PCDHGB1: variants seen among roughly 807,000 people sequenced by gnomAD.
PCDHGB1 encodes protocadherin gamma subfamily B, 1.
In PCDHGB1, 34 loss-of-function variants were observed where a neutral mutation model predicts 56.6. The ratio of observed to expected loss-of-function variants is 0.60; its 90% CI spans 0.46 to 0.80. PCDHGB1 has a LOEUF of 0.80. Among genes scored for constraint, PCDHGB1 ranks in the 30% least tolerant of loss-of-function variants. PCDHGB1 has a pLI of 0.00. For missense variants in PCDHGB1, 1,278 were observed against 1,204.6 expected, an observed-to-expected ratio of 1.06 and a Z score of -0.90; for synonymous variants, 561 against 505.9, an observed-to-expected ratio of 1.11 and a Z score of -1.46.
Position 141,383,402 on chromosome 5 carries a change from A to T in PCDHGB1, c.2409+30733A>T, listed in dbSNP as rs757890929. 4.3e-6 allele frequency: 7 copies of T among 1,614,034 alleles called. No individual in the cohort carries two copies. In the Admixed American group the frequency reaches 8.3e-5, roughly 19 times the overall value. The stretch of plus-strand genomic sequence containing the variant: ...CCAGATGTGGGCACGAACTCCCTCC[A>T]GAGTTACCAGCTCAGCCCCAATCGC... On this transcript the variant is annotated intron_variant, in intron 1 of 3. Transcript: ENST00000523390.
intron 1 of PCDHGB1, among the ~76,000 whole-genome samples, chr5:141,438,587 CATACATAT>C (rs1166583123): frequency 1.2e-4 from 9 of 73,430 alleles, no homozygotes; most frequent in Non-Finnish European, 1.6e-4. Flanking sequence ...TACATACATA[CATACATAT>C]ATATATATAT....
chr5:141,464,144 A>G (rs1305530394), intron 1 of PCDHGB1, among the ~76,000 whole-genome samples: 1 of 152,030 alleles, frequency 6.6e-6, no homozygotes, highest in South Asian at 2.1e-4. Context: ...GGGCGCCTGT[A>G]GTCCCAGCTA....
chr5:141,370,731 C>T (rs757565497), intron 1 of PCDHGB1: 6 of 1,613,798 alleles, frequency 3.7e-6, no homozygotes, highest in Non-Finnish European at 5.1e-6. Context: ...TGCTGAAAAG[C>T]CTTTAAACTT....
intron 1 of PCDHGB1, chr5:141,419,693 A>G (rs1241615790): frequency 6.2e-7 from 1 of 1,612,884 alleles, no homozygotes; most frequent in Non-Finnish European, 8.5e-7. Flanking sequence ...GGTGCAGGCC[A>G]GTGAGCCCGG....
At chr5:141,360,676 G>C in intron 1 of PCDHGB1, 2 of 1,613,952 alleles carry the variant, frequency 1.2e-6, no homozygotes, top group Non-Finnish European at 1.7e-6. Flanking sequence ...CTTTGATCTC[G>C]CTGAGAAACA....
rs2098680935 is a variant in PCDHGB1, at chr5:141,450,471, G to A, written c.2410-44336G>A. 2.0e-5 allele frequency among the ~76,000 whole-genome samples: 3 copies of A among 147,910 alleles called. No homozygotes were observed. In the South Asian group the frequency reaches 6.2e-4, roughly 31 times the overall value. ...GTTTCCTCGTGATTTTATATATAGA[G>A]TTTGTTTGTTTGTTTGTCTGTTTGT... On this transcript the variant is annotated intron_variant, in intron 1 of 3. Transcript: ENST00000523390.
intron 1 of PCDHGB1, chr5:141,357,122 G>A (rs4329068): frequency 0.044 from 71,100 of 1,613,598 alleles, 1,723 homozygotes; most frequent in Middle Eastern, 0.06. Flanking sequence ...CTCAAGCAGA[G>A]GCTTGTAGTG....
At position 141,432,480 on chromosome 5, in the gene PCDHGB1, G is replaced by C; in HGVS notation, c.2410-62327G>C. ...GCCCTCCCCACGGACGGTTCCACTGGCGTGGAGCTGGCTCCCCGCTCCGCA... is the reference window on the plus strand; with the variant it reads ...GCCCTCCCCACGGACGGTTCCACTGCCGTGGAGCTGGCTCCCCGCTCCGCA... On this transcript the variant is annotated intron_variant, in intron 1 of 3. Coordinates refer to ENST00000523390, the MANE Select transcript of PCDHGB1 (RefSeq NM_018922.3). The surrounding 1 kb of genome is among the most constrained non-coding windows in gnomAD (Gnocchi z 6.0). 6 of 1,614,180 alleles carry C rather than the reference G, an allele frequency of 3.7e-6. No homozygotes were observed. Among genetic ancestry groups the C allele is most frequent in the Non-Finnish European group, 5.1e-6 (6 of 1,180,044 alleles).
intron 1 of PCDHGB1, among the ~76,000 whole-genome samples, chr5:141,482,530 CAAAA>C (rs3074545): frequency 9.1e-5 from 7 of 76,540 alleles, no homozygotes; most frequent in South Asian, 4.6e-4. Flanking sequence ...GACAGACATG[CAAAA>C]AAAAAAAAAA....
intron 1 of PCDHGB1, among the ~76,000 whole-genome samples, chr5:141,402,671 G>A (rs1016182752): frequency 2.0e-5 from 3 of 152,140 alleles, no homozygotes; most frequent in Admixed American, 2.0e-4. Flanking sequence ...TTCTTTATCA[G>A]CCATCTGATA....
At chr5:141,394,948 T>C (rs753376472) in intron 1 of PCDHGB1, 1 of 1,613,884 alleles carries the variant, frequency 6.2e-7, no homozygotes, top group Admixed American at 1.7e-5. Context: ...GCTGTGCTTC[T>C]GGGGCTCAGG....
intron 1 of PCDHGB1, among the ~76,000 whole-genome samples, chr5:141,482,843 G>A (rs1005014887): frequency 7.1e-6 from 1 of 140,154 alleles, no homozygotes; most frequent in Non-Finnish European, 1.5e-5. Flanking sequence ...AGGCCAAGGT[G>A]GGCAGATCAC....
chr5:141,419,734 G>A, intron 1 of PCDHGB1: 2 of 1,613,792 alleles, frequency 1.2e-6, no homozygotes, highest in Non-Finnish European at 1.7e-6. Context: ...GAACAGGCGA[G>A]GTGCGCATGG....
chr5:141,388,474 A>G, intron 1 of PCDHGB1: 1 of 1,613,850 alleles, frequency 6.2e-7, no homozygotes, highest in Non-Finnish European at 8.5e-7. Flanking sequence ...ATGGTATTGA[A>G]GACACCTTTG....
At chr5:141,373,460 C>G (rs919686552) in intron 1 of PCDHGB1, among the ~76,000 whole-genome samples, 2 of 152,198 alleles carry the variant, frequency 1.3e-5, no homozygotes, top group African/African-American at 4.8e-5. Flanking sequence ...GAGGTAGCAG[C>G]TGCAATGAGC....
rs780843098 is a variant in PCDHGB1 at position 141,431,185 on chromosome 5, T to C, written c.2410-63622T>C. On this transcript the variant is annotated intron_variant, in intron 1 of 3. Coordinates refer to ENST00000523390, the MANE Select transcript of PCDHGB1 (RefSeq NM_018922.3). The surrounding 1 kb of genome is among the most constrained non-coding windows in gnomAD (Gnocchi z 4.8). ...GTGAAAGTGAATTAGAAATAAAAAT[T>C]AGTGAAAATGCAGCCACTGAGATGC... The C allele has an allele frequency of 3.1e-6, 5 of 1,613,982 alleles. No homozygotes were observed. The highest frequency in any genetic ancestry group is 4.2e-6 in the Non-Finnish European group (5 of 1,180,016).
In PCDHGB1 at chr5:141,375,370, A is replaced by T. The variant is rs772477616; in HGVS notation, c.2409+22701A>T. ...CTGTGACAGCCACGGACAAAGGAAC[A>T]CCACCTCTGTCTACAGAAACAATCA... On this transcript the variant is annotated intron_variant, in intron 1 of 3. Transcript: ENST00000523390. The T allele has an allele frequency of 2.5e-6, 4 of 1,613,890 alleles. No individual in the cohort carries two copies. In the South Asian group the frequency reaches 4.4e-5, roughly 18 times the overall value.
At chr5:141,471,743 C>T (rs769600930) in intron 1 of PCDHGB1, among the ~76,000 whole-genome samples, 2 of 152,142 alleles carry the variant, frequency 1.3e-5, no homozygotes, top group Non-Finnish European at 2.9e-5. Flanking sequence ...GGAGACATAA[C>T]ATATTTGAGG....
intron 1 of PCDHGB1, among the ~76,000 whole-genome samples, chr5:141,369,005 A>C (rs944687399): frequency 6.6e-6 from 1 of 152,216 alleles, no homozygotes; most frequent in Non-Finnish European, 1.5e-5. Context: ...TGTGGAACTC[A>C]TTGCTTATTG....
Sources: gnomAD v4.1 joint callset for allele counts (sites outside exome capture counted in the v4.1 genomes callset) on GRCh38, gnomAD v4.1.1 for gene constraint, Gnocchi (gnomAD v3.1) non-coding constraint, MANE v1.5 for transcripts, NCBI Gene and HGNC (gene_info 2026-07-23, HGNC 2026-07-21) for gene names.